TENM3: variants seen among roughly 807,000 people sequenced by gnomAD.
The protein encoded by TENM3 is teneurin transmembrane protein 3.
TENM3 carries 63 observed loss-of-function variants against 255.1 expected under a neutral mutation model. The ratio of observed to expected loss-of-function variants is 0.25; its 90% CI spans 0.20 to 0.30. The LOEUF (loss-of-function observed/expected upper bound fraction) is 0.30. Among genes scored for constraint, TENM3 ranks in the 10% least tolerant of loss-of-function variants. The pLI is 1.00. For synonymous variants in TENM3, 1,306 were observed against 1,322.3 expected, an observed-to-expected ratio of 0.99 and a Z score of 0.27; for missense variants, 2,929 against 3,461.1, an observed-to-expected ratio of 0.85 and a Z score of 3.86.
intron 4 of TENM3, among the ~76,000 whole-genome samples, chr4:182,620,961 C>T (rs892625897): frequency 3.9e-5 from 6 of 152,118 alleles, no homozygotes; most frequent in African/African-American, 1.4e-4. Context: ...GGGTGGATCC[C>T]CTGAGGTCAG....
the TENM3 span, among the ~76,000 whole-genome samples, chr4:181,914,916 G>C: frequency 6.6e-6 from 1 of 152,238 alleles, no homozygotes; most frequent in Middle Eastern, 3.4e-3. Flanking sequence ...ATGTATCTTT[G>C]CTCATTATGT....
the TENM3 span, among the ~76,000 whole-genome samples, chr4:181,795,293 A>T: frequency 6.6e-6 from 1 of 151,854 alleles, no homozygotes; most frequent in East Asian, 1.9e-4. Flanking sequence ...CTCTGTGAGG[A>T]TCCCTTTCCT....
chr4:182,157,999 G>A (rs1750829400), intron 1 of TENM3, among the ~76,000 whole-genome samples: 1 of 152,074 alleles, frequency 6.6e-6, no homozygotes, highest in Non-Finnish European at 1.5e-5. Context: ...AAGAAACATT[G>A]GTACAGAGAA....
chr4:181,850,849 G>A, the TENM3 span, among the ~76,000 whole-genome samples: 71 of 152,172 alleles, frequency 4.7e-4, 1 homozygote, highest in South Asian at 0.014. Context: ...TCTTAAAATA[G>A]TTAAGTATAT....
At chr4:182,676,713 G>A (rs1009905503) in intron 7 of TENM3, among the ~76,000 whole-genome samples, 2 of 152,062 alleles carry the variant, frequency 1.3e-5, no homozygotes, top group Admixed American at 1.3e-4. Flanking sequence ...AACAAACATG[G>A]GCAAACTTTT....
At chr4:182,575,894 G>A (rs1461040224) in intron 3 of TENM3, among the ~76,000 whole-genome samples, 1 of 152,172 alleles carries the variant, frequency 6.6e-6, no homozygotes, top group Non-Finnish European at 1.5e-5. Context: ...GTTCTAGGTT[G>A]AAATAGCAAT....
At chr4:181,705,055 A>AC in the TENM3 span, among the ~76,000 whole-genome samples, 1 of 100,234 alleles carries the variant, frequency 1.0e-5, no homozygotes, top group Non-Finnish European at 2.3e-5. Flanking sequence ...ACAAAACAAA[A>AC]AAAAAAAAAC....
At chr4:181,478,945 A>G in the TENM3 span, among the ~76,000 whole-genome samples, 1 of 152,224 alleles carries the variant, frequency 6.6e-6, no homozygotes, top group Non-Finnish European at 1.5e-5. Flanking sequence ...TTTTACATAT[A>G]AATAAGTAAT....
At chr4:181,922,984 CG>C in the TENM3 span, among the ~76,000 whole-genome samples, 7 of 152,184 alleles carry the variant, frequency 4.6e-5, no homozygotes, top group South Asian at 2.1e-4. Context: ...GCCTTCATTT[CG>C]TTATGTACCC....
intron 3 of TENM3, among the ~76,000 whole-genome samples, chr4:182,473,123 A>G (rs1407256951): frequency 6.6e-6 from 1 of 152,094 alleles, no homozygotes; most frequent in Non-Finnish European, 1.5e-5. Context: ...TTCATTCCAC[A>G]TTTCCTGGAA....
At chr4:181,839,921 T>C in the TENM3 span, among the ~76,000 whole-genome samples, 1 of 151,982 alleles carries the variant, frequency 6.6e-6, no homozygotes, top group African/African-American at 2.4e-5. Flanking sequence ...ATAAATTGAT[T>C]GACGTCTTTT....
the TENM3 span, among the ~76,000 whole-genome samples, chr4:181,585,246 C>T: frequency 6.6e-6 from 1 of 152,126 alleles, no homozygotes; most frequent in African/African-American, 2.4e-5. Context: ...TTATAATTTA[C>T]AGTTCTCAAC....
the TENM3 span, among the ~76,000 whole-genome samples, chr4:181,591,834 G>C: frequency 6.6e-6 from 1 of 152,130 alleles, no homozygotes; most frequent in Non-Finnish European, 1.5e-5. Context: ...CCAGTCCTTG[G>C]TGCCAAAAAG....
intron 3 of TENM3, among the ~76,000 whole-genome samples, chr4:182,540,882 T>C (rs1740819916): frequency 6.6e-6 from 1 of 152,204 alleles, no homozygotes; most frequent in South Asian, 2.1e-4. Flanking sequence ...AGGGAGGATT[T>C]CCCTGAGGAA....
chr4:181,812,100 G>A, the TENM3 span, among the ~76,000 whole-genome samples: 1 of 152,168 alleles, frequency 6.6e-6, no homozygotes, highest in Non-Finnish European at 1.5e-5. Context: ...GAACTAAGAG[G>A]CCTAGGTCAA....
intron 5 of TENM3, among the ~76,000 whole-genome samples, chr4:182,638,059 A>G (rs958486975): frequency 6.8e-6 from 1 of 146,890 alleles, no homozygotes; most frequent in African/African-American, 2.5e-5. Flanking sequence ...AGTTTTCATT[A>G]TTGACTTAGT....
the TENM3 span, among the ~76,000 whole-genome samples, chr4:181,572,424 A>G: frequency 1.3e-5 from 2 of 152,194 alleles, no homozygotes; most frequent in African/African-American, 4.8e-5. Context: ...TCAGTTAGAA[A>G]AAGAAAAAAA....
chr4:182,305,160 G>T (rs1762063647), intron 1 of TENM3, among the ~76,000 whole-genome samples: 1 of 151,896 alleles, frequency 6.6e-6, no homozygotes, highest in African/African-American at 2.4e-5. Context: ...AATCTGTGAG[G>T]TTTTTGCTCT....
At chr4:181,951,972 T>C in the TENM3 span, among the ~76,000 whole-genome samples, 4 of 152,238 alleles carry the variant, frequency 2.6e-5, no homozygotes, top group Non-Finnish European at 5.9e-5. Flanking sequence ...ATGTTTTGTT[T>C]TTTAAAAAAC....
Sources: gnomAD v4.1 joint callset for allele counts (sites outside exome capture counted in the v4.1 genomes callset) on GRCh38, gnomAD v4.1.1 for gene constraint, MANE v1.5 for transcripts, NCBI Gene and HGNC (gene_info 2026-07-23, HGNC 2026-07-21) for gene names.